The following IGFL2 variants were observed in gnomAD, a reference collection of about 807,000 sequenced individuals.
IGFL2 encodes insulin growth factor-like family member 2.
In IGFL2, 7 loss-of-function variants were observed where a neutral mutation model predicts 13.9. That is an observed-to-expected ratio of 0.51 (90% CI 0.29 to 0.95). The LOEUF is 0.95. IGFL2 is among the 40% of genes least tolerant of loss of function. The probability of loss-of-function intolerance (pLI) is 0.08; values close to 1 mark genes in which losing one functional copy is unlikely to be tolerated. For synonymous variants in IGFL2, 55 were observed against 55.8 expected (o/e 0.99, Z 0.07); for missense variants, 138 against 147.8 (o/e 0.93, Z 0.34).
the IGFL2 span, chr19:46,111,223 A>G: frequency 6.6e-6 from 1 of 152,592 alleles, no homozygotes; most frequent in Admixed American, 6.5e-5. Flanking sequence ...TTAATCTAGC[A>G]TCTTTACTCC....
the IGFL2 span, chr19:46,209,735 C>T: frequency 9.5e-4 from 145 of 152,336 alleles, no homozygotes; most frequent in African/African-American, 3.4e-3. Context: ...TCTCCCCTCT[C>T]CTCAGAACAA....
chr19:46,088,357 C>G, the IGFL2 span, among the ~76,000 whole-genome samples: 2 of 152,092 alleles, frequency 1.3e-5, no homozygotes, highest in Non-Finnish European at 2.9e-5. Context: ...AAGATAAGGG[C>G]TTTTTTTCTG....
At chr19:46,092,710 G>A in the IGFL2 span, among the ~76,000 whole-genome samples, 7 of 151,976 alleles carry the variant, frequency 4.6e-5, no homozygotes, top group Admixed American at 2.0e-4. Flanking sequence ...TGAACTCCTG[G>A]CCTCAAGTTA....
At chr19:46,132,653 A>G in the IGFL2 span, among the ~76,000 whole-genome samples, 7 of 150,090 alleles carry the variant, frequency 4.7e-5, no homozygotes, top group African/African-American at 1.5e-4. Flanking sequence ...AGAGGGAGGG[A>G]AAACGATAGA....
At chr19:46,205,004 C>T in the IGFL2 span, 1 of 148,560 alleles carries the variant, frequency 6.7e-6, no homozygotes, top group East Asian at 2.0e-4. Context: ...CCATGCTGTT[C>T]TCAAACTCCT....
At chr19:46,200,511 C>CTTTTCTTTTCTT in the IGFL2 span, among the ~76,000 whole-genome samples, 3 of 78,526 alleles carry the variant, frequency 3.8e-5, no homozygotes, top group African/African-American at 5.3e-5. Flanking sequence ...TTTCTTTTCT[C>CTTTTCTTTTCTT]TTTTCTTTTC....
chr19:46,171,260 C>G, the IGFL2 span, among the ~76,000 whole-genome samples: 1 of 152,090 alleles, frequency 6.6e-6, no homozygotes, highest in Non-Finnish European at 1.5e-5. Flanking sequence ...GGGGCTGCTT[C>G]CCCCGATAAG....
At chr19:46,095,833 A>G in the IGFL2 span, among the ~76,000 whole-genome samples, 1 of 152,104 alleles carries the variant, frequency 6.6e-6, no homozygotes, top group African/African-American at 2.4e-5. Context: ...CAAAGATTAG[A>G]TGGTTGTAGA....
chr19:46,173,759 A>G, the IGFL2 span: 1 of 152,218 alleles, frequency 6.6e-6, no homozygotes, highest in Non-Finnish European at 1.5e-5. Context: ...GTTGGAGGGG[A>G]CACACATCCA....
At chr19:46,146,658 G>C (rs993182559), upstream of IGFL2, among the ~76,000 whole-genome samples, 1 of 152,090 alleles carries the variant, frequency 6.6e-6, no homozygotes, top group Non-Finnish European at 1.5e-5. Context: ...TGTTCTCCTA[G>C]ATTTACAGTA....
chr19:46,201,453 T>G, the IGFL2 span, among the ~76,000 whole-genome samples: 4 of 152,216 alleles, frequency 2.6e-5, no homozygotes, highest in Non-Finnish European at 5.9e-5. Flanking sequence ...CTCAAATGTC[T>G]TCTTCTCCTA....
chr19:46,160,250 G>C, intron 1 of IGFL2, 165 bp from the exon 2 acceptor site: 2 of 626,808 alleles, frequency 3.2e-6, no homozygotes, highest in Non-Finnish European at 5.7e-6. Context: ...CTGCTGTCTG[G>C]ACTCTTAACT....
chr19:46,153,029 A>G (rs531390020), intron 1 of IGFL2, among the ~76,000 whole-genome samples: 2 of 152,312 alleles, frequency 1.3e-5, no homozygotes, highest in South Asian at 4.1e-4. Context: ...CCACTTGGTC[A>G]TGGCGTATCG....
In IGFL2 at chr19:46,152,266, G is replaced by GT. The variant is rs55934631; in HGVS notation, c.19+3984dup. ...CTTTAGGTCATAGTAGCTTCCTTAGGTTTTTTTTTTTTTTTCTTTTTCTTT... is the reference window on the plus strand; with the variant it reads ...CTTTAGGTCATAGTAGCTTCCTTAGGTTTTTTTTTTTTTTTTCTTTTTCTTT... On this transcript the variant is annotated intron_variant, in intron 1 of 3. Coordinates refer to ENST00000377693, the MANE Select transcript of IGFL2 (RefSeq NM_001135113.2). Among the ~76,000 whole-genome samples the GT allele has an allele frequency of 7.7e-3, 1,033 of 133,966 alleles. 4 individuals carry two copies. Among genetic ancestry groups the GT allele is most frequent in the Non-Finnish European group, 0.012 (739 of 63,218 alleles). The allele number at this position is 133,966 out of a possible 152,430, so 87.9% of individuals were successfully genotyped here.
At chr19:46,124,776 C>G in the IGFL2 span, 1 of 781,922 alleles carries the variant, frequency 1.3e-6, no homozygotes, top group Non-Finnish European at 2.3e-6. Context: ...GATCATGCCA[C>G]CTGCAGTCTC....
the IGFL2 span, among the ~76,000 whole-genome samples, chr19:46,177,569 G>A: frequency 2.0e-5 from 3 of 152,186 alleles, no homozygotes; most frequent in East Asian, 3.9e-4. Context: ...GAAAGAATGA[G>A]AAAACTCTTG....
upstream of IGFL2, among the ~76,000 whole-genome samples, chr19:46,139,803 A>G (rs541141781): frequency 2.1e-4 from 32 of 152,138 alleles, no homozygotes; most frequent in Admixed American, 4.6e-4. Flanking sequence ...TACAACTAAC[A>G]CACATAACCA....
At chr19:46,184,494 C>T in the IGFL2 span, among the ~76,000 whole-genome samples, 2 of 152,124 alleles carry the variant, frequency 1.3e-5, no homozygotes, top group African/African-American at 4.8e-5. Context: ...GTTCAACTCC[C>T]ACTTATGAGT....
At chr19:46,123,709 G>C in the IGFL2 span, among the ~76,000 whole-genome samples, 2 of 150,836 alleles carry the variant, frequency 1.3e-5, no homozygotes, top group Non-Finnish European at 2.9e-5. Flanking sequence ...GTTTGTCCTC[G>C]ACCATGAAGA....
Sources: gnomAD v4.1 joint callset for allele counts (sites outside exome capture counted in the v4.1 genomes callset) on GRCh38, gnomAD v4.1.1 for gene constraint, MANE v1.5 for transcripts, NCBI Gene and HGNC (gene_info 2026-07-23, HGNC 2026-07-21) for gene names.